CNNM4: variants seen among roughly 807,000 people sequenced by gnomAD.
The protein encoded by CNNM4 is metal transporter CNNM4.
In CNNM4, 32 loss-of-function variants were observed where a neutral mutation model predicts 53.7. That is an observed-to-expected ratio of 0.60 (90% confidence interval 0.45 to 0.80). CNNM4 has a LOEUF of 0.80. Among genes scored for constraint, CNNM4 ranks in the 30% least tolerant of loss-of-function variants. CNNM4 has a pLI of 0.00. For missense variants in CNNM4, 784 were observed against 1,022.0 expected (o/e 0.77, Z 3.17); for synonymous variants, 410 against 440.0 (o/e 0.93, Z 0.85).
intron 1 of CNNM4, among the ~76,000 whole-genome samples, chr2:96,776,035 T>C (rs1296157313): frequency 6.7e-6 from 1 of 149,614 alleles, no homozygotes; most frequent in Admixed American, 6.6e-5. Context: ...TGGTTTTTTT[T>C]TTTTTTTTTT....
intron 1 of CNNM4, among the ~76,000 whole-genome samples, chr2:96,771,250 TG>T (rs2153344973): frequency 6.6e-6 from 1 of 152,024 alleles, no homozygotes; most frequent in Non-Finnish European, 1.5e-5. Context: ...GGCTAGAGCC[TG>T]GACTCCTTAC....
intron 1 of CNNM4, among the ~76,000 whole-genome samples, chr2:96,785,300 C>T (rs1481521389): frequency 1.3e-5 from 2 of 151,896 alleles, no homozygotes; most frequent in Non-Finnish European, 2.9e-5. Context: ...TGCTGTTATA[C>T]TAGTACATGT....
intron 1 of CNNM4, among the ~76,000 whole-genome samples, chr2:96,784,970 C>T (rs1317646262): frequency 6.6e-6 from 1 of 152,146 alleles, no homozygotes; most frequent in East Asian, 1.9e-4. Flanking sequence ...CTCTGCCTCC[C>T]GGGTTCAAGC....
Position 96,806,317 on chromosome 2 carries a change from A to G in CNNM4, c.1949-2244A>G, listed in dbSNP as rs569846895. On this transcript the variant is annotated intron_variant, in intron 5 of 6. Transcript: ENST00000377075. The stretch of plus-strand genomic sequence containing the variant: ...GAAACCACTTTTGATAACGTCAGTC[A>G]TAAAGACTTGAACTCAGACTTCTCT... Among the ~76,000 whole-genome samples the G allele has an allele frequency of 6.6e-5, 10 of 152,266 alleles. No individual in the cohort carries two copies. In the East Asian group the frequency reaches 1.7e-3, roughly 26 times the overall value.
intron 1 of CNNM4, among the ~76,000 whole-genome samples, chr2:96,775,229 T>C (rs767379861): frequency 6.6e-6 from 1 of 151,990 alleles, no homozygotes; most frequent in Non-Finnish European, 1.5e-5. Context: ...CCTGACCCCA[T>C]GCACCCTCCC....
chr2:96,792,416 C>A (rs1235979533), intron 1 of CNNM4, among the ~76,000 whole-genome samples: 3 of 152,206 alleles, frequency 2.0e-5, no homozygotes, highest in East Asian at 1.9e-4. Flanking sequence ...TAAAATAATT[C>A]TTTCCATCTT....
intron 1 of CNNM4, among the ~76,000 whole-genome samples, chr2:96,786,778 C>CAAAAAA (rs978560794): frequency 2.5e-5 from 1 of 40,482 alleles, no homozygotes; most frequent in African/African-American, 1.1e-4. Context: ...GACTCTGTCT[C>CAAAAAA]AAAAAAAAAA....
At chr2:96,790,546 G>A (rs1331193458) in intron 1 of CNNM4, among the ~76,000 whole-genome samples, 1 of 150,238 alleles carries the variant, frequency 6.7e-6, no homozygotes, top group Non-Finnish European at 1.5e-5. Flanking sequence ...TAGAGATGGA[G>A]TTTCTCCATG....
chr2:96,796,131 C>CTTTTTTTT (rs796494842), intron 1 of CNNM4, among the ~76,000 whole-genome samples: 17 of 50,684 alleles, frequency 3.4e-4, no homozygotes, highest in East Asian at 6.1e-4. Context: ...CAGACAGGGT[C>CTTTTTTTT]TTTTTTTTTT....
In CNNM4 at chr2:96,800,599, A is replaced by G. The variant is rs962367891; in HGVS notation, c.1948+951A>G. On this transcript the variant is annotated intron_variant, in intron 5 of 6. Coordinates refer to ENST00000377075, the MANE Select transcript of CNNM4 (RefSeq NM_020184.4). This position sits in a 1 kb window ranked among gnomAD's most constrained non-coding sequence, Gnocchi z 4.6. ...CAGGCTCCCTGGGCAGGGGACAGAC[A>G]GGGCCCCAGAGCGGGGCTCTGAGCA... 6.6e-6 allele frequency among the ~76,000 whole-genome samples: 1 copy of G among 152,242 alleles called. No individual in the cohort carries two copies. The highest frequency in any genetic ancestry group is 1.5e-5 in the Non-Finnish European group (1 of 68,032).
intron 5 of CNNM4, among the ~76,000 whole-genome samples, chr2:96,806,535 A>ACACACACACGCG (rs374638753): frequency 6.5e-4 from 81 of 123,996 alleles, no homozygotes; most frequent in Non-Finnish European, 8.5e-4. Flanking sequence ...ACACACACAC[A>ACACACACACGCG]CGCGCGCGCG....
chr2:96,793,762 G>A (rs771331952), intron 1 of CNNM4, among the ~76,000 whole-genome samples: 2 of 152,296 alleles, frequency 1.3e-5, no homozygotes, highest in South Asian at 2.1e-4. Flanking sequence ...TCAGGAGTTC[G>A]AGACCAGCCT....
chr2:96,777,861 ACT>A (rs2078939964), intron 1 of CNNM4, among the ~76,000 whole-genome samples: 2 of 138,284 alleles, frequency 1.4e-5, no homozygotes, highest in Admixed American at 1.5e-4. Context: ...CTGGTCTTGA[ACT>A]CTCTGCCTTT....
At chr2:96,804,292 C>T (rs1241641402) in intron 5 of CNNM4, among the ~76,000 whole-genome samples, 3 of 146,348 alleles carry the variant, frequency 2.0e-5, no homozygotes, top group African/African-American at 5.1e-5. Flanking sequence ...TGCAGTGGTG[C>T]GATCTTGGCT....
At chr2:96,782,019 T>C (rs2078979497) in intron 1 of CNNM4, among the ~76,000 whole-genome samples, 1 of 152,256 alleles carries the variant, frequency 6.6e-6, no homozygotes, top group South Asian at 2.1e-4. Flanking sequence ...ATTTTCTTTA[T>C]TCTGAAATAC....
At chr2:96,763,877 G>A (rs982820099) in intron 1 of CNNM4, among the ~76,000 whole-genome samples, 4 of 151,078 alleles carry the variant, frequency 2.6e-5, no homozygotes, top group Admixed American at 2.6e-4. Flanking sequence ...GGCAGAGGCT[G>A]CGGTGGGGTG....
Position 96,797,089 on chromosome 2 carries a change from G to A in CNNM4, c.1480G>A (p.Val494Ile). The change falls in exon 2 of 7, where the codon GTC (valine) becomes ATC (isoleucine). Residue 494 changes from valine to isoleucine, a missense_variant. Val to Ile is a conservative substitution (Grantham distance 29, BLOSUM62 3). Around this residue, in one of 3 missense-constraint regions of CNNM4, gnomAD observed 307 missense variants for 376.3 expected, o/e 0.82. Transcript: ENST00000377075. This position sits in a 1 kb window ranked among gnomAD's most constrained non-coding sequence, Gnocchi z 6.0. ...CCCCTTCTACGAGGTCCTGGGCCTG[G>A]TCACCCTGGAGGACGTGATCGAGGA... ...GDPFYEVLGLVTLEDVIEEII... is the reference protein window; with the variant it reads ...GDPFYEVLGLITLEDVIEEII... 3 of 1,614,152 alleles carry A rather than the reference G, an allele frequency of 1.9e-6. No individual in the cohort carries two copies. The highest frequency in any genetic ancestry group is 2.5e-6 in the Non-Finnish European group (3 of 1,180,026).
At chr2:96,777,075 TA>T (rs1453618857) in intron 1 of CNNM4, among the ~76,000 whole-genome samples, 2 of 151,728 alleles carry the variant, frequency 1.3e-5, no homozygotes, top group Non-Finnish European at 2.9e-5. Flanking sequence ...GGCTGGAGTG[TA>T]ATGGCGCAAT....
At chr2:96,799,277 C>T in intron 4 of CNNM4, 51 bp downstream of exon 4, 6 of 1,604,404 alleles carry the variant, frequency 3.7e-6, no homozygotes, top group Non-Finnish European at 5.1e-6. Context: ...GGCACTGCAG[C>T]AACCCCCAGG....
Sources: gnomAD v4.1 joint callset for allele counts (sites outside exome capture counted in the v4.1 genomes callset) on GRCh38, gnomAD v4.1.1 for gene constraint, gnomAD v4.1.1 regional missense constraint, Gnocchi (gnomAD v3.1) non-coding constraint, MANE v1.5 for transcripts, NCBI Gene and HGNC (gene_info 2026-07-23, HGNC 2026-07-21) for gene names.